SCHIP1: variants seen among roughly 807,000 people sequenced by gnomAD.
The protein encoded by SCHIP1 is schwannomin-interacting protein 1.
Under a neutral mutation model 29.7 loss-of-function variants are expected in SCHIP1, and 8 were observed. That is an observed-to-expected ratio of 0.27 (90% CI 0.16 to 0.49). SCHIP1 has a LOEUF of 0.49. Among genes scored for constraint, SCHIP1 ranks in the 20% least tolerant of loss-of-function variants. The pLI, the probability that SCHIP1 is intolerant of heterozygous loss-of-function variation, is 0.99. For synonymous variants in SCHIP1, 76 were observed against 94.9 expected (o/e 0.80, Z 1.16); for missense variants, 193 against 294.6 (o/e 0.66, Z 2.52).
At chr3:159,434,147 T>C in the SCHIP1 span, among the ~76,000 whole-genome samples, 1 of 152,316 alleles carries the variant, frequency 6.6e-6, no homozygotes, top group African/African-American at 2.4e-5. Flanking sequence ...TTAAAATTAA[T>C]CAGCAACATT....
chr3:159,438,747 T>C, the SCHIP1 span, among the ~76,000 whole-genome samples: 1 of 152,156 alleles, frequency 6.6e-6, no homozygotes, highest in Non-Finnish European at 1.5e-5. Flanking sequence ...GGTATTTGGT[T>C]TTCTGTTCCT....
At chr3:159,550,519 C>T in the SCHIP1 span, among the ~76,000 whole-genome samples, 45,582 of 151,926 alleles carry the variant, frequency 0.3, 7,306 homozygotes, top group Admixed American at 0.38. Context: ...ACAGTATTGT[C>T]GAGTAGCCCA....
At chr3:159,590,361 A>G in the SCHIP1 span, among the ~76,000 whole-genome samples, 1 of 152,272 alleles carries the variant, frequency 6.6e-6, no homozygotes, top group Non-Finnish European at 1.5e-5. Context: ...GGAACACTTG[A>G]GGTCAGGAGT....
the SCHIP1 span, among the ~76,000 whole-genome samples, chr3:159,513,528 C>A: frequency 7.2e-5 from 11 of 152,104 alleles, no homozygotes; most frequent in African/African-American, 2.7e-4. Context: ...GATTAAGTGT[C>A]TTTCCTGAGC....
the SCHIP1 span, chr3:159,274,494 T>G: frequency 4.7e-5 from 34 of 722,638 alleles, no homozygotes; most frequent in African/African-American, 6.5e-4. Flanking sequence ...GAAATAGTAC[T>G]TTTAGCATTA....
chr3:159,570,742 A>G, the SCHIP1 span, among the ~76,000 whole-genome samples: 3 of 152,112 alleles, frequency 2.0e-5, no homozygotes, highest in Admixed American at 6.6e-5. Context: ...GGGCAGTATG[A>G]CCATTTTCCC....
At chr3:159,406,237 G>A in the SCHIP1 span, among the ~76,000 whole-genome samples, 121 of 151,824 alleles carry the variant, frequency 8.0e-4, 1 homozygote, top group African/African-American at 2.7e-3. Flanking sequence ...GAAAAGAAAC[G>A]AATAACATAC....
Position 159,855,388 on chromosome 3 carries a change from G to A in SCHIP1, c.31-10775G>A, listed in dbSNP as rs376885586. Among the ~76,000 whole-genome samples, 26 of 152,134 alleles carry A rather than the reference G, an allele frequency of 1.7e-4. No individual in the cohort carries two copies. The Middle Eastern group carries it at 0.02, about 119-fold the overall frequency. Reference sequence around the variant, plus strand: ...GTATAAAAATAACTTTCCCTAATTAGAATCTTCCTTTTCTAATTTTTTCGC... The same window carrying A: ...GTATAAAAATAACTTTCCCTAATTAAAATCTTCCTTTTCTAATTTTTTCGC... On this transcript the variant is annotated intron_variant, in intron 1 of 6. Transcript: ENST00000445224.
At chr3:159,304,598 C>A in the SCHIP1 span, among the ~76,000 whole-genome samples, 1 of 152,196 alleles carries the variant, frequency 6.6e-6, no homozygotes, top group Non-Finnish European at 1.5e-5. Context: ...CATAAACATA[C>A]ACATGCTAAC....
chr3:159,405,989 G>C, the SCHIP1 span, among the ~76,000 whole-genome samples: 9 of 151,932 alleles, frequency 5.9e-5, 1 homozygote, highest in African/African-American at 2.2e-4. Context: ...AAGAGGGCAA[G>C]TCTAACAGTT....
chr3:159,400,728 A>C, the SCHIP1 span, among the ~76,000 whole-genome samples: 1 of 152,180 alleles, frequency 6.6e-6, no homozygotes, highest in Admixed American at 6.6e-5. Flanking sequence ...GGAAACAATA[A>C]ACAATTGATG....
At chr3:159,282,192 AT>A in the SCHIP1 span, among the ~76,000 whole-genome samples, 4 of 152,006 alleles carry the variant, frequency 2.6e-5, no homozygotes, top group Non-Finnish European at 5.9e-5. Context: ...TTTATATAAC[AT>A]TTTTAAGGAT....
the SCHIP1 span, among the ~76,000 whole-genome samples, chr3:159,513,055 A>T: frequency 6.6e-6 from 1 of 152,242 alleles, no homozygotes; most frequent in Non-Finnish European, 1.5e-5. Flanking sequence ...TATTGAACAA[A>T]GTTTCAGAAT....
chr3:159,471,264 G>A, the SCHIP1 span, among the ~76,000 whole-genome samples: 1 of 152,024 alleles, frequency 6.6e-6, no homozygotes, highest in Admixed American at 6.6e-5. Context: ...ATTTACAAGA[G>A]GATAAACAGA....
chr3:159,330,722 T>G, the SCHIP1 span, among the ~76,000 whole-genome samples: 1 of 152,222 alleles, frequency 6.6e-6, no homozygotes, highest in African/African-American at 2.4e-5. Flanking sequence ...TTAAATTGAT[T>G]ACATAACTAT....
the SCHIP1 span, among the ~76,000 whole-genome samples, chr3:159,569,047 A>G: frequency 6.6e-6 from 1 of 152,168 alleles, no homozygotes; most frequent in African/African-American, 2.4e-5. Flanking sequence ...AAGCTTCCTT[A>G]TGGTTGAAAC....
At chr3:159,659,207 G>GCTAC in the SCHIP1 span, among the ~76,000 whole-genome samples, 2 of 152,204 alleles carry the variant, frequency 1.3e-5, no homozygotes, top group Non-Finnish European at 2.9e-5. Flanking sequence ...GAAGCCCTTA[G>GCTAC]CTACCTCTTT....
the SCHIP1 span, among the ~76,000 whole-genome samples, chr3:159,577,364 C>T: frequency 6.6e-6 from 1 of 152,194 alleles, no homozygotes; most frequent in Non-Finnish European, 1.5e-5. Flanking sequence ...TTTTAAATGG[C>T]ATTAATTTTG....
the SCHIP1 span, among the ~76,000 whole-genome samples, chr3:159,608,767 T>C: frequency 3.3e-5 from 5 of 152,160 alleles, no homozygotes; most frequent in Non-Finnish European, 5.9e-5. Context: ...TTTCCCCATC[T>C]TAAAAAGAAC....
Sources: gnomAD v4.1 joint callset for allele counts (sites outside exome capture counted in the v4.1 genomes callset) on GRCh38, gnomAD v4.1.1 for gene constraint, MANE v1.5 for transcripts, NCBI Gene and HGNC (gene_info 2026-07-23, HGNC 2026-07-21) for gene names.